The following GRAMD1C variants were observed in gnomAD, a reference collection of about 807,000 sequenced individuals.
GRAMD1C encodes the protein protein Aster-C.
Under a neutral mutation model 97.8 loss-of-function variants are expected in GRAMD1C, and 89 were observed. The ratio of observed to expected loss-of-function variants is 0.91; its 90% confidence interval spans 0.77 to 1.09. The LOEUF is 1.09. GRAMD1C is among the 50% of genes least tolerant of loss of function. The pLI is 0.00. For missense variants in GRAMD1C, 740 were observed against 766.4 expected (o/e 0.97, Z 0.41); for synonymous variants, 256 against 267.0 (o/e 0.96, Z 0.40).
chr3:113,879,132 G>C (rs367941335), intron 5 of GRAMD1C, among the ~76,000 whole-genome samples: 84 of 152,106 alleles, frequency 5.5e-4, no homozygotes, highest in African/African-American at 1.8e-3. Flanking sequence ...TTGAACCCGG[G>C]GGGTGGAGGT....
chr3:113,898,497 G>A (rs1344027805), intron 6 of GRAMD1C, among the ~76,000 whole-genome samples: 3 of 152,096 alleles, frequency 2.0e-5, no homozygotes, highest in African/African-American at 7.2e-5. Context: ...CTCATTTGGA[G>A]TGGAAGTCAG....
intron 9 of GRAMD1C, chr3:113,913,108 A>G (rs1218811615): frequency 7.8e-7 from 1 of 1,284,882 alleles, no homozygotes. Flanking sequence ...TACGCTGTTT[A>G]CCTGAATTTA....
rs191771643 is a variant in GRAMD1C at position 113,839,053 on chromosome 3, G to C, written c.27+117G>C. 2.1e-3 allele frequency: 1,358 copies of C among 651,530 alleles called. 16 individuals carry two copies. In the Admixed American group the frequency reaches 0.025, roughly 12 times the overall value. 40.4% of individuals were successfully genotyped at this position (651,530 alleles called of 1,614,324 possible). Reference sequence around the variant, plus strand: ...TTAATCCCTCCCTTCCCTTTTCTTCGTGCTCTTTGGAGTAATACGGAAAGT... The same window carrying C: ...TTAATCCCTCCCTTCCCTTTTCTTCCTGCTCTTTGGAGTAATACGGAAAGT... On this transcript the variant is annotated intron_variant, in intron 1 of 17. Coordinates refer to ENST00000358160, the MANE Select transcript of GRAMD1C (RefSeq NM_017577.5).
chr3:113,843,338 A>G (rs1933453387), intron 1 of GRAMD1C, among the ~76,000 whole-genome samples: 1 of 151,380 alleles, frequency 6.6e-6, no homozygotes, highest in African/African-American at 2.4e-5. Context: ...CAGCCTCCCA[A>G]AGTGCTGGGA....
chr3:113,923,442 T>C (rs147694946), intron 10 of GRAMD1C, among the ~76,000 whole-genome samples: 216 of 152,312 alleles, frequency 1.4e-3, no homozygotes, highest in African/African-American at 5.1e-3. Context: ...GGTATGTTCC[T>C]TCAGTGCCTG....
At chr3:113,934,721 G>A (rs1051332421) in intron 13 of GRAMD1C, among the ~76,000 whole-genome samples, 186 bp downstream of exon 13, 4 of 152,024 alleles carry the variant, frequency 2.6e-5, no homozygotes. Flanking sequence ...AATTTTCATT[G>A]GTCAAACAAA....
rs1163532927 is a variant in GRAMD1C, at chr3:113,945,596, T to A, written c.*118T>A. 3 of 625,754 alleles carry A rather than the reference T, an allele frequency of 4.8e-6. No homozygotes were observed. The African/African-American group carries it at 5.6e-5, about 12-fold the overall frequency. 38.8% of individuals were successfully genotyped at this position (625,754 alleles called of 1,614,324 possible). On this transcript the variant is annotated 3_prime_UTR_variant, in exon 18 of 18. Coordinates refer to ENST00000358160, the MANE Select transcript of GRAMD1C (RefSeq NM_017577.5). ...TTTCTATGTTTTTTCATTATTGAGATTTCTAATATGAACATTTCTTTCAGT... is the reference window on the plus strand; with the variant it reads ...TTTCTATGTTTTTTCATTATTGAGAATTCTAATATGAACATTTCTTTCAGT...
At chr3:113,855,180 G>A (rs912172548) in intron 2 of GRAMD1C, among the ~76,000 whole-genome samples, 2 of 152,088 alleles carry the variant, frequency 1.3e-5, no homozygotes, top group African/African-American at 2.4e-5. Flanking sequence ...GCATGGTGGC[G>A]CATGCCTGTA....
intron 5 of GRAMD1C, among the ~76,000 whole-genome samples, chr3:113,877,131 AC>A (rs979384627): frequency 3.3e-5 from 5 of 152,120 alleles, no homozygotes; most frequent in Non-Finnish European, 5.9e-5. Flanking sequence ...TCTGGTGTGC[AC>A]CACTGAGCCT....
intron 9 of GRAMD1C, among the ~76,000 whole-genome samples, chr3:113,911,699 C>CCTTGCTTCCTTCCTTCTTTCT (rs1936590719): frequency 1.4e-5 from 1 of 72,672 alleles, no homozygotes. Context: ...CTGTTTCTTT[C>CCTTGCTTCCTTCCTTCTTTCT]CTTCCTTCCT....
At chr3:113,887,085 G>GTTTTTGTT (rs1935524224) in intron 6 of GRAMD1C, among the ~76,000 whole-genome samples, 20 of 71,450 alleles carry the variant, frequency 2.8e-4, no homozygotes, top group Admixed American at 7.7e-4. Flanking sequence ...TGGCCTTTTT[G>GTTTTTGTT]TTTTTTTTTT....
At chr3:113,849,861 A>G (rs1219008272) in intron 2 of GRAMD1C, among the ~76,000 whole-genome samples, 2 of 151,870 alleles carry the variant, frequency 1.3e-5, no homozygotes, top group Non-Finnish European at 2.9e-5. Flanking sequence ...ACTTCCCAGT[A>G]GGGGCGGCCG....
chr3:113,919,821 G>A (rs1206421932), intron 10 of GRAMD1C: 4 of 636,870 alleles, frequency 6.3e-6, no homozygotes, highest in South Asian at 1.4e-5. Context: ...TTAGTAGTAA[G>A]AATAAAAATA....
chr3:113,862,626 C>T (rs575807531), intron 2 of GRAMD1C, among the ~76,000 whole-genome samples: 25 of 152,232 alleles, frequency 1.6e-4, no homozygotes, highest in South Asian at 4.1e-4. Flanking sequence ...TCCTCCTCAG[C>T]TTACAAAGAT....
At chr3:113,928,283 G>A (rs1447726033) in intron 10 of GRAMD1C, among the ~76,000 whole-genome samples, 2 of 152,010 alleles carry the variant, frequency 1.3e-5, no homozygotes, top group South Asian at 2.1e-4. Context: ...CGGCACACAC[G>A]AGCAGCTTCT....
chr3:113,836,639 T>A (rs1345733700), upstream of GRAMD1C, among the ~76,000 whole-genome samples: 1 of 150,256 alleles, frequency 6.7e-6, no homozygotes, highest in Non-Finnish European at 1.5e-5. Flanking sequence ...ATTATTATTA[T>A]TATTATTTAT....
intron 10 of GRAMD1C, among the ~76,000 whole-genome samples, chr3:113,920,707 A>AT (rs1215634504): frequency 2.6e-5 from 4 of 151,618 alleles, no homozygotes; most frequent in South Asian, 2.1e-4. Context: ...TACCCAGCTA[A>AT]TTTTTTTGTA....
chr3:113,894,814 G>T (rs1462892003), intron 6 of GRAMD1C, among the ~76,000 whole-genome samples: 1 of 152,108 alleles, frequency 6.6e-6, no homozygotes, highest in Admixed American at 6.5e-5. Context: ...TTAGATTCAG[G>T]GGTAAAGTAA....
At chr3:113,908,479 T>C (rs2107325937) in intron 8 of GRAMD1C, among the ~76,000 whole-genome samples, 1 of 152,326 alleles carries the variant, frequency 6.6e-6, no homozygotes, top group South Asian at 2.1e-4. Flanking sequence ...TCTCTCCCAC[T>C]GTACTCATAT....
Sources: gnomAD v4.1 joint callset for allele counts (sites outside exome capture counted in the v4.1 genomes callset) on GRCh38, gnomAD v4.1.1 for gene constraint, MANE v1.5 for transcripts, NCBI Gene and HGNC (gene_info 2026-07-23, HGNC 2026-07-21) for gene names.